The following SLC4A4 variants were observed in gnomAD, a reference collection of about 807,000 sequenced individuals.
The protein encoded by SLC4A4 is electrogenic sodium bicarbonate cotransporter 1.
SLC4A4 carries 27 observed loss-of-function variants against 111.5 expected under a neutral mutation model. The observed-to-expected ratio is 0.24, with a 90% CI of 0.18 to 0.33. The LOEUF is 0.33. SLC4A4 is among the 10% of genes least tolerant of loss of function. The probability of loss-of-function intolerance (pLI) is 1.00; values close to 1 mark genes in which losing one functional copy is unlikely to be tolerated. For missense variants in SLC4A4, 909 were observed against 1,315.5 expected (o/e 0.69, Z 4.78); for synonymous variants, 443 against 463.4 (o/e 0.96, Z 0.57).
chr4:71,434,112 A>G (rs1277934683), intron 7 of SLC4A4, among the ~76,000 whole-genome samples: 2 of 151,990 alleles, frequency 1.3e-5, no homozygotes, highest in African/African-American at 4.8e-5. Flanking sequence ...TGGTTTTAGA[A>G]CCCTAGGGAA....
chr4:71,343,959 T>C (rs943315811), intron 4 of SLC4A4, among the ~76,000 whole-genome samples: 6 of 152,164 alleles, frequency 3.9e-5, no homozygotes, highest in African/African-American at 1.4e-4. Flanking sequence ...CCTCATCTCC[T>C]TCAGGTCTTT....
chr4:71,505,587 T>C (rs1731346775), intron 16 of SLC4A4, among the ~76,000 whole-genome samples: 1 of 152,134 alleles, frequency 6.6e-6, no homozygotes, highest in Admixed American at 6.6e-5. Flanking sequence ...ATGCTGGATA[T>C]TAGACCTTTG....
At chr4:71,164,995 A>T (rs1261890235) in intron 2 of SLC4A4, among the ~76,000 whole-genome samples, 1 of 152,256 alleles carries the variant, frequency 6.6e-6, no homozygotes, top group Non-Finnish European at 1.5e-5. Flanking sequence ...AATCAAAACC[A>T]CAATGAGATA....
rs760142796 is a variant in SLC4A4 at position 71,349,885 on chromosome 4, TG to T, written c.390-26del. On this transcript the variant is annotated intron_variant, in intron 4 of 25. Transcript: ENST00000264485. ...TAGAGGAAGTTAGAACACTTTTAAT[TG>T]CTCTTCACTAATCTCATCTTCCTAG... 6.7e-5 allele frequency: 108 copies of T among 1,613,118 alleles called. No homozygotes were observed. The African/African-American group carries it at 1.1e-3, about 17-fold the overall frequency.
intron 6 of SLC4A4, among the ~76,000 whole-genome samples, chr4:71,385,746 A>T (rs1718654418): frequency 6.6e-6 from 1 of 152,128 alleles, no homozygotes; most frequent in African/African-American, 2.4e-5. Flanking sequence ...TATCTCAAGG[A>T]TACTGATACA....
In SLC4A4 at chr4:71,569,536, A is replaced by G. The variant is rs1269106556; in HGVS notation, c.*1785A>G. 4.0e-5 allele frequency: 6 copies of G among 151,800 alleles called. No individual in the cohort carries two copies. The highest frequency in any genetic ancestry group is 5.9e-5 in the Non-Finnish European group (4 of 67,836). 9.4% of individuals were successfully genotyped at this position (151,800 alleles called of 1,614,324 possible). ...GGTATTTAAAGGTAATATTTTTAAT[A>G]TGATACATTACATATTGTGAATGTA... On this transcript the variant is annotated 3_prime_UTR_variant, in exon 26 of 26. Coordinates refer to ENST00000264485, the MANE Select transcript of SLC4A4 (RefSeq NM_001098484.3).
rs551631393 is a variant in SLC4A4, at chr4:71,340,904, A to T, written c.389+1399A>T. Among the ~76,000 whole-genome samples the T allele has an allele frequency of 5.9e-5, 9 of 152,326 alleles. No homozygotes were observed. In the South Asian group the frequency reaches 1.9e-3, roughly 32 times the overall value. The stretch of plus-strand genomic sequence containing the variant: ...TTGTAAATTGTTAAGCATTACACAA[A>T]TACCTGGGGTTTCATTAATCTCATA... On this transcript the variant is annotated intron_variant, in intron 4 of 25. Transcript: ENST00000264485.
intron 6 of SLC4A4, among the ~76,000 whole-genome samples, chr4:71,390,970 A>G (rs1719198397): frequency 6.6e-6 from 1 of 152,146 alleles, no homozygotes. Flanking sequence ...TCAGGTACCT[A>G]GTACTCAAAA....
rs559532673 is a variant in SLC4A4 at position 71,426,499 on chromosome 4, C to A, written c.808-14117C>A. The stretch of plus-strand genomic sequence containing the variant: ...GGAGATAGGAACAGCCTTCTATTAA[C>A]CAAAGAAGCCAATTGTAGGCAACGT... On this transcript the variant is annotated intron_variant, in intron 7 of 25. Coordinates refer to ENST00000264485, the MANE Select transcript of SLC4A4 (RefSeq NM_001098484.3). Among the ~76,000 whole-genome samples, 57 of 152,184 alleles carry A rather than the reference C, an allele frequency of 3.7e-4. 1 individual carries two copies. The South Asian group carries it at 0.011, about 30-fold the overall frequency.
At chr4:71,307,305 TC>T (rs1022014351) in intron 3 of SLC4A4, among the ~76,000 whole-genome samples, 2 of 152,172 alleles carry the variant, frequency 1.3e-5, no homozygotes, top group Non-Finnish European at 2.9e-5. Context: ...ATTTCTGATT[TC>T]CCCCTTCACC....
intron 1 of SLC4A4, among the ~76,000 whole-genome samples, chr4:71,210,652 T>C (rs536821231): frequency 6.6e-6 from 1 of 152,364 alleles, no homozygotes; most frequent in East Asian, 1.9e-4. Flanking sequence ...GAGAAGGCTT[T>C]CTTCTTGTTA....
intron 1 of SLC4A4, among the ~76,000 whole-genome samples, chr4:71,087,007 A>G (rs7683524): frequency 0.34 from 51,387 of 151,762 alleles, 9,265 homozygotes; most frequent in African/African-American, 0.46. Context: ...TACCTCTGGT[A>G]GAATTCGGCT....
chr4:71,305,014 T>G (rs1370136060), intron 3 of SLC4A4, among the ~76,000 whole-genome samples: 2 of 152,246 alleles, frequency 1.3e-5, no homozygotes, highest in Non-Finnish European at 2.9e-5. Flanking sequence ...CAGAATCTTA[T>G]TTGATGGGAA....
At position 71,216,850 on chromosome 4, in the gene SLC4A4, A is replaced by G. The variant is rs1259495861; in HGVS notation, c.-1-19726A>G. 5.3e-5 allele frequency among the ~76,000 whole-genome samples: 8 copies of G among 152,286 alleles called. No individual in the cohort carries two copies. The South Asian group carries it at 8.3e-4, about 16-fold the overall frequency. ...AGAAATTAAGGACTTGCGGCATGACAATACTAGCTACGTGCCTTGTCTACC... is the reference window on the plus strand; with the variant it reads ...AGAAATTAAGGACTTGCGGCATGACGATACTAGCTACGTGCCTTGTCTACC... On this transcript the variant is annotated intron_variant, in intron 1 of 25. Transcript: ENST00000264485.
At chr4:71,119,161 G>A (rs1743349924) in intron 2 of SLC4A4, among the ~76,000 whole-genome samples, 1 of 152,182 alleles carries the variant, frequency 6.6e-6, no homozygotes, top group Admixed American at 6.5e-5. Context: ...ATGTGTTGGT[G>A]CAGGGAGTAT....
chr4:71,302,003 G>A (rs1343743798), intron 3 of SLC4A4, among the ~76,000 whole-genome samples: 4 of 152,176 alleles, frequency 2.6e-5, no homozygotes, highest in Non-Finnish European at 5.9e-5. Flanking sequence ...TTGATGTTTG[G>A]TGCACTGCAA....
intron 3 of SLC4A4, among the ~76,000 whole-genome samples, chr4:71,314,221 A>G (rs1325306838): frequency 6.6e-6 from 1 of 152,226 alleles, no homozygotes. Context: ...TCACAATGAG[A>G]TACCATCTCA....
chr4:71,560,893 A>G (rs1736926000), intron 23 of SLC4A4, among the ~76,000 whole-genome samples: 1 of 151,784 alleles, frequency 6.6e-6, no homozygotes, highest in South Asian at 2.1e-4. Flanking sequence ...GATTAAGTTG[A>G]GAAGTAAAAT....
chr4:71,204,572 T>A (rs1204073587), intron 1 of SLC4A4, among the ~76,000 whole-genome samples: 1 of 152,216 alleles, frequency 6.6e-6, no homozygotes, highest in African/African-American at 2.4e-5. Flanking sequence ...TAAAATGGAA[T>A]ATTAAATATT....
Sources: gnomAD v4.1 joint callset for allele counts (sites outside exome capture counted in the v4.1 genomes callset) on GRCh38, gnomAD v4.1.1 for gene constraint, MANE v1.5 for transcripts, NCBI Gene and HGNC (gene_info 2026-07-23, HGNC 2026-07-21) for gene names.